Variants in CATSPERE observed in about 807,000 individuals in gnomAD.
CATSPERE encodes the protein catsper channel auxiliary subunit epsilon.
A neutral mutation model predicts 114.1 loss-of-function variants in CATSPERE; 93 were observed. That is an observed-to-expected ratio of 0.81 (90% CI 0.69 to 0.97). The LOEUF (loss-of-function observed/expected upper bound fraction) is 0.97. CATSPERE is among the 50% of genes least tolerant of loss of function. The pLI, the probability that CATSPERE is intolerant of heterozygous loss-of-function variation, is 0.00. For missense variants in CATSPERE, 1,058 were observed against 1,131.6 expected (o/e 0.93, Z 0.93); for synonymous variants, 341 against 384.1 (o/e 0.89, Z 1.31).
At chr1:244,615,989 C>T (rs1472104186) in intron 19 of CATSPERE, among the ~76,000 whole-genome samples, 1 of 149,928 alleles carries the variant, frequency 6.7e-6, no homozygotes, top group African/African-American at 2.5e-5. Flanking sequence ...ATTAGCCAGG[C>T]ATGGTGGCAC....
At chr1:244,451,640 AGC>A, upstream of CATSPERE, 1 of 1,609,406 alleles carries the variant, frequency 6.2e-7, no homozygotes, top group Non-Finnish European at 8.5e-7. The surrounding 1 kb of genome is among the most constrained non-coding windows in gnomAD (Gnocchi z 6.6). Context: ...CTCACCTGGC[AGC>A]GGCACACGAT....
chr1:244,537,020 C>T (rs3005985), intron 8 of CATSPERE, among the ~76,000 whole-genome samples: 132,303 of 152,124 alleles, frequency 0.87, 58,513 homozygotes, highest in East Asian at 1. Context: ...TATACCATCC[C>T]AATGTGAATG....
upstream of CATSPERE, among the ~76,000 whole-genome samples, chr1:244,459,329 A>T (rs1483264615): frequency 6.6e-6 from 1 of 152,180 alleles, no homozygotes; most frequent in Non-Finnish European, 1.5e-5. Context: ...CACCCACTTC[A>T]GTCTCCCAGA....
chr1:244,571,337 A>G (rs1453637401), intron 10 of CATSPERE, among the ~76,000 whole-genome samples: 1 of 152,220 alleles, frequency 6.6e-6, no homozygotes, highest in Admixed American at 6.5e-5. Flanking sequence ...CCTTCCAGCC[A>G]GTCCTCTCCA....
chr1:244,637,280 C>T (rs1032537501), intron 21 of CATSPERE, among the ~76,000 whole-genome samples: 4 of 152,202 alleles, frequency 2.6e-5, no homozygotes, highest in African/African-American at 9.7e-5. Flanking sequence ...CCACAGTCTG[C>T]TGCATTCATT....
At chr1:244,632,726 A>G (rs1043992363) in intron 20 of CATSPERE, among the ~76,000 whole-genome samples, 2 of 152,166 alleles carry the variant, frequency 1.3e-5, no homozygotes, top group Non-Finnish European at 2.9e-5. Flanking sequence ...AAGGGACAGA[A>G]GAAAAGGAGA....
intron 2 of CATSPERE, among the ~76,000 whole-genome samples, chr1:244,474,382 T>C (rs1188078290): frequency 6.6e-6 from 1 of 152,104 alleles, no homozygotes; most frequent in African/African-American, 2.4e-5. Context: ...TTTTTCATTC[T>C]CTCCCATATT....
chr1:244,610,157 A>G lies in CATSPERE; in HGVS notation c.2404-83A>G, dbSNP rs1401196986. 4.6e-6 allele frequency: 4 copies of G among 868,160 alleles called. No individual in the cohort carries two copies. In the Admixed American group the frequency reaches 1.0e-4, roughly 23 times the overall value. The allele number at this position is 868,160 out of a possible 1,614,324, so 53.8% of individuals were successfully genotyped here. ...AAGTTTTAAAAATACAAAATTTTCA[A>G]TAGCAACAAAACATTAAATACTTAG... On this transcript the variant is annotated intron_variant, in intron 18 of 21. Transcript: ENST00000366534.
chr1:244,574,673 C>T (rs1664971689), intron 11 of CATSPERE, among the ~76,000 whole-genome samples: 1 of 152,060 alleles, frequency 6.6e-6, no homozygotes, highest in Non-Finnish European at 1.5e-5. Context: ...AATTATTTGG[C>T]AGAGTGTTCA....
At chr1:244,628,416 C>T (rs1047336031) in intron 20 of CATSPERE, among the ~76,000 whole-genome samples, 2 of 152,112 alleles carry the variant, frequency 1.3e-5, no homozygotes, top group Non-Finnish European at 2.9e-5. Flanking sequence ...AGCAAGCATT[C>T]GAGTAGCTGG....
At chr1:244,601,062 G>A (rs771647797) in intron 17 of CATSPERE, among the ~76,000 whole-genome samples, 7 of 152,032 alleles carry the variant, frequency 4.6e-5, no homozygotes, top group Admixed American at 1.3e-4. Flanking sequence ...GAAATAATAC[G>A]ACTATGAAAA....
rs531252226 is a variant in CATSPERE at position 244,624,811 on chromosome 1, A to T, written c.2648+7125A>T. Among the ~76,000 whole-genome samples, 20 of 152,228 alleles carry T rather than the reference A, an allele frequency of 1.3e-4. No homozygotes were observed. The East Asian group carries it at 3.7e-3, about 28-fold the overall frequency. ...AGCGAGAGTCCATCAAAGAAAAAAA[A>T]AAAAGAAACCACTTTCTTTGCTCAT... On this transcript the variant is annotated intron_variant, in intron 20 of 21. Transcript: ENST00000366534.
chr1:244,612,814 C>A (rs1407849718), intron 19 of CATSPERE, among the ~76,000 whole-genome samples: 1 of 152,128 alleles, frequency 6.6e-6, no homozygotes, highest in Non-Finnish European at 1.5e-5. Flanking sequence ...GGCGCGGCAC[C>A]ACGCCCGGCC....
At chr1:244,537,653 A>C (rs1297534075) in intron 8 of CATSPERE, among the ~76,000 whole-genome samples, 1 of 152,238 alleles carries the variant, frequency 6.6e-6, no homozygotes, top group Non-Finnish European at 1.5e-5. Flanking sequence ...CAGTTTATTT[A>C]ATAGATACAG....
At chr1:244,625,432 A>ATTT (rs61325021) in intron 20 of CATSPERE, among the ~76,000 whole-genome samples, 1 of 3,984 alleles carries the variant, frequency 2.5e-4, no homozygotes, top group Non-Finnish European at 4.7e-4. Context: ...ATATATATAT[A>ATTT]TTTTTTTTTT....
intron 20 of CATSPERE, among the ~76,000 whole-genome samples, chr1:244,619,350 A>G (rs932311037): frequency 6.6e-6 from 1 of 152,240 alleles, no homozygotes; most frequent in Non-Finnish European, 1.5e-5. Flanking sequence ...AATGAAGACA[A>G]AAACAGAAAG....
intron 2 of CATSPERE, among the ~76,000 whole-genome samples, chr1:244,464,485 A>G (rs768032399): frequency 4.6e-5 from 7 of 152,154 alleles, no homozygotes; most frequent in Non-Finnish European, 8.8e-5. Flanking sequence ...AGTGTCCTCT[A>G]TAGGTCCTTT....
At chr1:244,626,508 A>G (rs1673216201) in intron 20 of CATSPERE, among the ~76,000 whole-genome samples, 2 of 134,052 alleles carry the variant, frequency 1.5e-5, no homozygotes, top group Non-Finnish European at 3.3e-5. Flanking sequence ...AAAAAAAAAA[A>G]GTCCTAGATG....
At chr1:244,539,889 G>C (rs1435147306) in intron 8 of CATSPERE, among the ~76,000 whole-genome samples, 1 of 149,752 alleles carries the variant, frequency 6.7e-6, no homozygotes, top group African/African-American at 2.5e-5. Context: ...TCTTGCTAGT[G>C]GTCTATCAAT....
Sources: allele counts gnomAD v4.1 joint callset (sites outside exome capture counted in the v4.1 genomes callset), GRCh38; gene constraint gnomAD v4.1.1; non-coding constraint Gnocchi (gnomAD v3.1); transcripts MANE v1.5; gene names NCBI Gene and HGNC (gene_info 2026-07-23, HGNC 2026-07-21).